Variants in ANKRD18A observed in about 807,000 individuals in gnomAD.
ANKRD18A encodes ankyrin repeat domain-containing protein 18A.
A neutral mutation model predicts 110.6 loss-of-function variants in ANKRD18A; 72 were observed. The ratio of observed to expected loss-of-function variants is 0.65; its 90% CI spans 0.54 to 0.79. The LOEUF (loss-of-function observed/expected upper bound fraction) is 0.79, where lower values mean the gene tolerates loss of function less well. ANKRD18A is among the 30% of genes least tolerant of loss of function. The pLI, the probability that ANKRD18A is intolerant of heterozygous loss-of-function variation, is 0.00. For synonymous variants in ANKRD18A, 305 were observed against 410.3 expected (o/e 0.74, Z 3.10); for missense variants, 934 against 1,163.3 (o/e 0.80, Z 2.87).
At chr9:38,592,911 C>A (rs1824717393) in intron 10 of ANKRD18A, among the ~76,000 whole-genome samples, 1 of 152,144 alleles carries the variant, frequency 6.6e-6, no homozygotes, top group South Asian at 2.1e-4. Context: ...TGGTGGTTGC[C>A]TACAACTGGG....
chr9:38,568,866 A>G, downstream of ANKRD18A: 1 of 985,344 alleles, frequency 1.0e-6, no homozygotes, highest in Non-Finnish European at 1.2e-6. Flanking sequence ...CCCTTTAGGT[A>G]TGGATCTCGC....
At position 38,575,447 on chromosome 9, in the gene ANKRD18A, C is replaced by A. The variant is rs988987469; in HGVS notation, c.2964+29G>T. On this transcript the variant is annotated intron_variant, in intron 15 of 15. Coordinates refer to ENST00000399703, the MANE Select transcript of ANKRD18A (RefSeq NM_147195.4). ...CAAGAATTATATTAGAGAAATGAAA[C>A]CCAAAAGAGAAATGGTCATATAACT... 7 of 1,519,974 alleles carry A rather than the reference C, an allele frequency of 4.6e-6. No individual in the cohort carries two copies. In the African/African-American group the frequency reaches 8.4e-5, roughly 18 times the overall value. The allele number at this position is 1,519,974 out of a possible 1,614,324, so 94.2% of individuals were successfully genotyped here. A position where few individuals can be genotyped will look rare whatever the true frequency, so the allele number is the denominator to read the frequency against.
At chr9:38,617,450 A>C (rs1314997099) in intron 1 of ANKRD18A, among the ~76,000 whole-genome samples, 1 of 147,552 alleles carries the variant, frequency 6.8e-6, no homozygotes, top group Admixed American at 6.7e-5. Context: ...AAAACGAAAA[A>C]ACAAACAAAC....
Position 38,612,618 on chromosome 9 carries a change from T to C in ANKRD18A, c.496-1297A>G, listed in dbSNP as rs561140652. Among the ~76,000 whole-genome samples the C allele has an allele frequency of 4.7e-5, 7 of 149,314 alleles. No homozygotes were observed. In the South Asian group the frequency reaches 1.3e-3, roughly 27 times the overall value. On this transcript the variant is annotated intron_variant, in intron 3 of 15. Coordinates refer to ENST00000399703, the MANE Select transcript of ANKRD18A (RefSeq NM_147195.4). The stretch of plus-strand genomic sequence containing the variant: ...CTGCAAGCTCCACCTCCCGAGTTCA[T>C]GCCATTCTCCTGCCTCAGCCTCCCA...
downstream of ANKRD18A, among the ~76,000 whole-genome samples, chr9:38,570,399 A>G (rs1823595540): frequency 6.6e-6 from 1 of 151,696 alleles, no homozygotes; most frequent in East Asian, 1.9e-4. Flanking sequence ...CACTGACCAG[A>G]CCCCTAATAC....
intron 8 of ANKRD18A, among the ~76,000 whole-genome samples, chr9:38,597,651 G>A (rs543367140): frequency 8.5e-5 from 13 of 152,272 alleles, no homozygotes; most frequent in African/African-American, 2.9e-4. Flanking sequence ...CATCAAATTT[G>A]TCAAATAAAT....
intron 2 of ANKRD18A, 26 bp downstream of exon 2, chr9:38,615,904 T>C (rs1825832947): frequency 6.5e-7 from 1 of 1,536,670 alleles, no homozygotes; most frequent in Non-Finnish European, 8.8e-7. Flanking sequence ...ATCCATTTCA[T>C]GCTGAAAGAG....
intron 10 of ANKRD18A, 53 bp downstream of exon 10, chr9:38,593,707 T>C: frequency 7.1e-7 from 1 of 1,407,878 alleles, no homozygotes. Context: ...AGACACTTTA[T>C]ATTATTCAAC....
intron 12 of ANKRD18A, among the ~76,000 whole-genome samples, chr9:38,579,831 C>T (rs1824076045): frequency 6.6e-6 from 1 of 152,140 alleles, no homozygotes; most frequent in African/African-American, 2.4e-5. Context: ...ACTGGGTATT[C>T]AGGCAACAGA....
chr9:38,566,672 T>A (rs1823491015), downstream of ANKRD18A: 1 of 152,216 alleles, frequency 6.6e-6, no homozygotes, highest in Non-Finnish European at 1.5e-5. Flanking sequence ...TTTAATTGGC[T>A]CACGGTTCTG....
Position 38,575,482 on chromosome 9 carries a change from C to T in ANKRD18A, c.2958G>A (p.Leu986=). The part of the protein sequence containing the change: ...PQTSNNCKNF[L]TEVLLC ...AAATGGTCATATAACTAACCTCAGT[C>T]AAGAAGTTCTTGCAGTTATTTGAAG... The change falls in exon 15 of 16, where the codon TTG becomes TTA. Residue 986 remains leucine (L), a synonymous_variant. Transcript: ENST00000399703. The T allele has an allele frequency of 1.3e-6, 2 of 1,550,710 alleles. No individual in the cohort carries two copies. Among genetic ancestry groups the T allele is most frequent in the East Asian group, 4.9e-5 (2 of 40,882 alleles).
At chr9:38,571,316 A>G (rs529158677), downstream of ANKRD18A, 14 of 1,165,292 alleles carry the variant, frequency 1.2e-5, no homozygotes, top group South Asian at 2.3e-4. Context: ...AATGTCTACC[A>G]CTGGCCTAAT....
intron 8 of ANKRD18A, among the ~76,000 whole-genome samples, chr9:38,598,537 T>C (rs542460975): frequency 6.6e-6 from 1 of 152,316 alleles, no homozygotes; most frequent in South Asian, 2.1e-4. Context: ...AGTTGAACTT[T>C]TTTTCTTCAA....
chr9:38,566,814 T>C (rs1001842959), downstream of ANKRD18A: 3 of 152,142 alleles, frequency 2.0e-5, no homozygotes, highest in African/African-American at 7.2e-5. Context: ...GGAGGTGACA[T>C]AGAGTTTTCA....
chr9:38,601,097 C>A (rs1704536020), intron 8 of ANKRD18A, 34 bp downstream of exon 8: 1 of 1,527,404 alleles, frequency 6.5e-7, no homozygotes, highest in African/African-American at 1.4e-5. Context: ...ACAAACAAAC[C>A]AGTATTAAAC....
chr9:38,596,037 C>A lies in ANKRD18A; in HGVS notation c.1303G>T (p.Glu435Ter). The change falls in exon 9 of 16, where the codon GAA becomes TAA. Residue 435 changes from glutamate (E) to a stop codon, truncating the protein, a stop_gained. Transcript: ENST00000399703. LOFTEE classifies it high-confidence loss of function. ...SLATAINEYN[E>*]IVERKDLELV... The stretch of plus-strand genomic sequence containing the variant: ...TCTAGGTCTTTTCTTTCCACAATTT[C>A]ATTGTACTCATTTATAGCAGTGGCC... The A allele has an allele frequency of 6.4e-7, 1 of 1,550,646 alleles. No individual in the cohort carries two copies. Among genetic ancestry groups the A allele is most frequent in the East Asian group, 2.4e-5 (1 of 40,914 alleles).
chr9:38,614,496 T>C (rs1175485935), intron 3 of ANKRD18A, among the ~76,000 whole-genome samples: 1 of 152,144 alleles, frequency 6.6e-6, no homozygotes, highest in Non-Finnish European at 1.5e-5. Flanking sequence ...TTAGATCTAT[T>C]ACATCAAAAT....
rs184234773 is a variant in ANKRD18A at position 38,576,321 on chromosome 9, T to C, written c.2742-623A>G. On this transcript the variant is annotated intron_variant, in intron 14 of 15. Transcript: ENST00000399703. Reference sequence around the variant, plus strand: ...AACTCCTGGGGGAGAACTAGACTGGTTGGTTGGTGATCAAAAAGAACTAAA... The same window carrying C: ...AACTCCTGGGGGAGAACTAGACTGGCTGGTTGGTGATCAAAAAGAACTAAA... Among the ~76,000 whole-genome samples, 11 of 152,254 alleles carry C rather than the reference T, an allele frequency of 7.2e-5. No individual in the cohort carries two copies. In the East Asian group the frequency reaches 1.2e-3, roughly 16 times the overall value.
At chr9:38,619,438 T>C (rs1304734423) in intron 1 of ANKRD18A, among the ~76,000 whole-genome samples, 1 of 152,204 alleles carries the variant, frequency 6.6e-6, no homozygotes, top group Non-Finnish European at 1.5e-5. Flanking sequence ...TTTTCAGCTG[T>C]TAGTAAATAA....
Sources: allele counts gnomAD v4.1 joint callset (sites outside exome capture counted in the v4.1 genomes callset), GRCh38; gene constraint gnomAD v4.1.1; transcripts MANE v1.5; gene names NCBI Gene and HGNC (gene_info 2026-07-23, HGNC 2026-07-21).